Variants in PTK7 observed in about 807,000 individuals in gnomAD.
The protein encoded by PTK7 is protein tyrosine kinase 7 (inactive), also known as inactive tyrosine-protein kinase 7.
A neutral mutation model predicts 116.6 loss-of-function variants in PTK7; 39 were observed. The ratio of observed to expected loss-of-function variants is 0.33; its 90% CI spans 0.26 to 0.44. The LOEUF (loss-of-function observed/expected upper bound fraction) is 0.44, where lower values mean the gene tolerates loss of function less well. PTK7 is among the 20% of genes least tolerant of loss of function. The probability of loss-of-function intolerance (pLI) is 1.00; values close to 1 mark genes in which losing one functional copy is unlikely to be tolerated. For missense variants in PTK7, 1,169 were observed against 1,425.6 expected (o/e 0.82, Z 2.90); for synonymous variants, 546 against 563.6 (o/e 0.97, Z 0.44).
At chr6:43,123,849 G>T (rs1769118324) in intron 1 of PTK7, among the ~76,000 whole-genome samples, 1 of 152,190 alleles carries the variant, frequency 6.6e-6, no homozygotes, top group African/African-American at 2.4e-5. Flanking sequence ...TCTGCGTTTT[G>T]TGCCGTGTGT....
chr6:43,157,349 TATATATATATATATA>T (rs1173588808), intron 17 of PTK7, among the ~76,000 whole-genome samples: 326 of 11,396 alleles, frequency 0.029, 22 homozygotes, highest in Non-Finnish European at 0.041. Flanking sequence ...TATATATATA[TATATATATATATATA>T]TTTTTTTTTT....
At position 43,076,345 on chromosome 6, in the gene PTK7, C is replaced by T. The variant is rs931482524; in HGVS notation, c.-144C>T. 44 of 414,454 alleles carry T rather than the reference C, an allele frequency of 1.1e-4. No individual in the cohort carries two copies. The highest frequency in any genetic ancestry group is 1.5e-4 in the Non-Finnish European group (41 of 276,428). 25.7% of individuals were successfully genotyped at this position (414,454 alleles called of 1,614,324 possible). ...CGCGCGCGGCTCCGGCTCGGGACGC[C>T]TCGGGACGCCTCGGGGTCGGGCTCC... is the stretch of plus-strand genomic sequence containing the variant. On this transcript the variant is annotated 5_prime_UTR_variant, in exon 1 of 20. Transcript: ENST00000230419. This position sits in a 1 kb window ranked among gnomAD's most constrained non-coding sequence, Gnocchi z 5.7.
intron 1 of PTK7, among the ~76,000 whole-genome samples, chr6:43,089,931 G>A (rs959935421): frequency 6.6e-6 from 1 of 152,238 alleles, no homozygotes; most frequent in Non-Finnish European, 1.5e-5. Context: ...CTTTGTTACT[G>A]CCTATGTAAG....
chr6:43,104,835 C>T (rs1218511095), intron 1 of PTK7, among the ~76,000 whole-genome samples: 1 of 97,552 alleles, frequency 1.0e-5, no homozygotes, highest in Admixed American at 1.2e-4. Context: ...TTTTTTGAGA[C>T]GGAGTCTCAC....
chr6:43,084,018 A>G (rs1766518659), intron 1 of PTK7, among the ~76,000 whole-genome samples: 1 of 152,218 alleles, frequency 6.6e-6, no homozygotes, highest in Non-Finnish European at 1.5e-5. Flanking sequence ...CATCAGAATT[A>G]TTGAGGGAGA....
intron 7 of PTK7, 128 bp from the exon 8 acceptor site, chr6:43,138,721 C>T (rs181584744): frequency 1.5e-6 from 2 of 1,333,274 alleles, no homozygotes; most frequent in African/African-American, 2.9e-5. Context: ...AGGGAAACTC[C>T]TGCCATCTGA....
chr6:43,094,950 TAGG>T (rs1229145136), intron 1 of PTK7, among the ~76,000 whole-genome samples: 2 of 151,004 alleles, frequency 1.3e-5, no homozygotes, highest in African/African-American at 2.4e-5. Context: ...GAGGCTGAGA[TAGG>T]AGAATTGCTT....
At chr6:43,115,973 GCTCCCATGCCCCT>G (rs1308628739) in intron 1 of PTK7, among the ~76,000 whole-genome samples, 2 of 145,232 alleles carry the variant, frequency 1.4e-5, no homozygotes, top group Non-Finnish European at 3.0e-5. Context: ...GCAAAATCCT[GCTCCCATGCCCCT>G]CTCCCATGGG....
chr6:43,121,352 G>T (rs1768949075), intron 1 of PTK7, among the ~76,000 whole-genome samples: 1 of 152,184 alleles, frequency 6.6e-6, no homozygotes, highest in Admixed American at 6.5e-5. Flanking sequence ...TTCTGCCCCA[G>T]TCCTTGGTGA....
chr6:43,109,735 G>A (rs533200616), intron 1 of PTK7, among the ~76,000 whole-genome samples: 2 of 144,168 alleles, frequency 1.4e-5, no homozygotes, highest in African/African-American at 5.1e-5. Flanking sequence ...GTCTTGCTCT[G>A]TCACCCAGGC....
At chr6:43,142,143 G>A in intron 12 of PTK7, 29 bp from the exon 13 acceptor site, 8 of 1,613,170 alleles carry the variant, frequency 5.0e-6, no homozygotes, top group Non-Finnish European at 6.8e-6. Context: ...CCTGCGAGCT[G>A]GCCAGCACTA....
Position 43,141,993 on chromosome 6 carries a change from C to CT in PTK7, c.1832dup (p.Gln612AlafsTer42). The CT allele has an allele frequency of 6.2e-7, 1 of 1,613,906 alleles. No homozygotes were observed. Among genetic ancestry groups the CT allele is most frequent in the Non-Finnish European group, 8.5e-7 (1 of 1,179,988 alleles). Reference sequence around the variant, plus strand: ...TGTGTACCAGGGCCACACAGCCCTACTGCAGTGCGAGGCCCAGGGGGACCC... The same window carrying CT: ...TGTGTACCAGGGCCACACAGCCCTACTTGCAGTGCGAGGCCCAGGGGGACCC... On this transcript the variant is annotated frameshift_variant, in exon 12 of 20. Coordinates refer to ENST00000230419, the MANE Select transcript of PTK7 (RefSeq NM_002821.5). LOFTEE classifies it high-confidence loss of function. The surrounding 1 kb of genome is among the most constrained non-coding windows in gnomAD (Gnocchi z 4.9).
In PTK7 at chr6:43,129,624, CA is replaced by C; in HGVS notation, c.368-102del. ...CAGGGCTTCCTTGTGTCTGTTGGCA[CA>C]GAGCCTCGAGGTTCCACGGCTTCCT... On this transcript the variant is annotated intron_variant, in intron 2 of 19. Coordinates refer to ENST00000230419, the MANE Select transcript of PTK7 (RefSeq NM_002821.5). The surrounding 1 kb of genome is among the most constrained non-coding windows in gnomAD (Gnocchi z 4.5). 9.8e-7 allele frequency: 1 copy of C among 1,025,216 alleles called. No individual in the cohort carries two copies. Among genetic ancestry groups the C allele is most frequent in the East Asian group, 2.4e-5 (1 of 41,356 alleles). The allele number at this position is 1,025,216 out of a possible 1,614,324, so 63.5% of individuals were successfully genotyped here.
intron 17 of PTK7, among the ~76,000 whole-genome samples, chr6:43,150,936 C>T (rs1771037542): frequency 6.6e-6 from 1 of 151,762 alleles, no homozygotes; most frequent in South Asian, 2.1e-4. Flanking sequence ...GATTCTCCTG[C>T]CTTAGCCTCC....
rs760912222 is a variant in PTK7, at chr6:43,128,969, A to T, written c.80-8A>T. 2 of 1,597,218 alleles carry T rather than the reference A, an allele frequency of 1.3e-6. No individual in the cohort carries two copies. The highest frequency in any genetic ancestry group is 2.3e-5 in the South Asian group (2 of 88,452). On this transcript the variant is annotated splice_region_variant and splice_polypyrimidine_tract_variant and intron_variant, in intron 1 of 19. Transcript: ENST00000230419. ...CTGACCCTGCCTCTCCCCTGTTTGC[A>T]TCTACAGGTACCCAGACAGCCATTG...
chr6:43,152,872 G>A (rs1185068945), intron 17 of PTK7, among the ~76,000 whole-genome samples: 1 of 151,828 alleles, frequency 6.6e-6, no homozygotes. Flanking sequence ...TGTAGCCTCC[G>A]CCTCCCAGGT....
chr6:43,105,452 A>T lies in PTK7; in HGVS notation c.80-23525A>T, dbSNP rs925342029. 1.8e-4 allele frequency among the ~76,000 whole-genome samples: 20 copies of T among 109,148 alleles called. No individual in the cohort carries two copies. In the South Asian group the frequency reaches 5.2e-3, roughly 28 times the overall value. 71.6% of individuals were successfully genotyped at this position (109,148 alleles called of 152,430 possible). On this transcript the variant is annotated intron_variant, in intron 1 of 19. Coordinates refer to ENST00000230419, the MANE Select transcript of PTK7 (RefSeq NM_002821.5). Reference sequence around the variant, plus strand: ...GACATCTGTGGTTAACTGTATAGCAAAAAAAAAAAAAAAAAAAAGCAACTT... The same window carrying T: ...GACATCTGTGGTTAACTGTATAGCATAAAAAAAAAAAAAAAAAAGCAACTT...
intron 1 of PTK7, among the ~76,000 whole-genome samples, chr6:43,113,686 C>G (rs904109047): frequency 4.6e-5 from 7 of 152,084 alleles, no homozygotes; most frequent in African/African-American, 1.2e-4. Flanking sequence ...GTCAGGGGTT[C>G]TGGAAAAGCT....
intron 1 of PTK7, among the ~76,000 whole-genome samples, chr6:43,090,763 CCTT>C (rs1316438136): frequency 3.3e-5 from 5 of 152,230 alleles, no homozygotes; most frequent in African/African-American, 7.2e-5. Context: ...ATGAATCCTT[CCTT>C]CTTCTACTCC....
Sources: gnomAD v4.1 joint callset for allele counts (sites outside exome capture counted in the v4.1 genomes callset) on GRCh38, gnomAD v4.1.1 for gene constraint, Gnocchi (gnomAD v3.1) non-coding constraint, MANE v1.5 for transcripts, NCBI Gene and HGNC (gene_info 2026-07-23, HGNC 2026-07-21) for gene names.